SLC20A2: variants seen among roughly 807,000 people sequenced by gnomAD.
SLC20A2 encodes sodium-dependent phosphate transporter 2.
SLC20A2 carries 30 observed loss-of-function variants against 61.0 expected under a neutral mutation model. That is an observed-to-expected ratio of 0.49 (90% CI 0.37 to 0.67). The LOEUF (loss-of-function observed/expected upper bound fraction) is 0.67. Among genes scored for constraint, SLC20A2 ranks in the 30% least tolerant of loss-of-function variants. The pLI is 0.00. For synonymous variants in SLC20A2, 351 were observed against 353.3 expected (o/e 0.99, Z 0.07); for missense variants, 626 against 866.4 (o/e 0.72, Z 3.48).
At position 42,471,308 on chromosome 8, in the gene SLC20A2, C is replaced by T. The variant is rs1807620865; in HGVS notation, c.289+794G>A. ...GCAGTGATGGGAAGACCCACGGGGC[C>T]GAGATCTGTGTCCGCTTAGGCCATG... On this transcript the variant is annotated intron_variant, in intron 2 of 10. Transcript: ENST00000520262. The T allele has an allele frequency of 1.1e-5, 5 of 443,224 alleles. 1 individual carries two copies. The highest frequency in any genetic ancestry group is 6.5e-5 in the South Asian group (4 of 61,636). The allele number at this position is 443,224 out of a possible 1,614,324, so 27.5% of individuals were successfully genotyped here.
intron 2 of SLC20A2, among the ~76,000 whole-genome samples, chr8:42,470,060 A>G (rs1432434463): frequency 6.6e-6 from 1 of 152,144 alleles, no homozygotes; most frequent in Non-Finnish European, 1.5e-5. Context: ...TTAGATATCT[A>G]TCACAACTAA....
chr8:42,527,643 C>A (rs947278010), intron 1 of SLC20A2, among the ~76,000 whole-genome samples: 2 of 151,982 alleles, frequency 1.3e-5, no homozygotes, highest in African/African-American at 4.8e-5. Flanking sequence ...TGGCGCATGC[C>A]TGTAGTCCCA....
At chr8:42,492,374 G>A (rs1420345301) in intron 1 of SLC20A2, among the ~76,000 whole-genome samples, 3 of 152,280 alleles carry the variant, frequency 2.0e-5, no homozygotes, top group South Asian at 2.1e-4. Flanking sequence ...GAAAGAAAAC[G>A]AAGATCTGCC....
At chr8:42,481,597 ATCT>A (rs775307497) in intron 1 of SLC20A2, among the ~76,000 whole-genome samples, 40 of 152,134 alleles carry the variant, frequency 2.6e-4, no homozygotes, top group African/African-American at 8.9e-4. Flanking sequence ...ATCAGATGAC[ATCT>A]TCTGGTCCTG....
intron 5 of SLC20A2, among the ~76,000 whole-genome samples, chr8:42,452,129 G>A (rs898131218): frequency 6.9e-5 from 10 of 145,276 alleles, no homozygotes; most frequent in Admixed American, 1.4e-4. Context: ...GATGGAGGAG[G>A]AAGAGGAAGA....
intron 5 of SLC20A2, among the ~76,000 whole-genome samples, chr8:42,455,900 C>T (rs1366378271): frequency 6.6e-6 from 1 of 152,056 alleles, no homozygotes; most frequent in Non-Finnish European, 1.5e-5. Context: ...ATTTGTATTG[C>T]CAATTACCAA....
At chr8:42,524,584 G>A (rs879706126) in intron 1 of SLC20A2, among the ~76,000 whole-genome samples, 9 of 151,958 alleles carry the variant, frequency 5.9e-5, no homozygotes, top group South Asian at 2.1e-4. Context: ...TCAGGAGTTC[G>A]AGACCAGCCT....
rs889607103 is a variant in SLC20A2, at chr8:42,437,864, T to C, written c.935-287A>G. Among the ~76,000 whole-genome samples, 3 of 151,754 alleles carry C rather than the reference T, an allele frequency of 2.0e-5. No individual in the cohort carries two copies. The highest frequency in any genetic ancestry group is 1.9e-4 in the East Asian group (1 of 5,160). ...CTCCTAACCTCATGATCCGCCCACC[T>C]TGGCCTCCTAAAGTGCTCGGATTAC... On this transcript the variant is annotated intron_variant, in intron 7 of 10. Coordinates refer to ENST00000520262, the MANE Select transcript of SLC20A2 (RefSeq NM_001257180.2). This position sits in a 1 kb window ranked among gnomAD's most constrained non-coding sequence, Gnocchi z 6.4.
At chr8:42,429,877 G>A (rs940729648) in intron 9 of SLC20A2, among the ~76,000 whole-genome samples, 187 bp downstream of exon 9, 7 of 152,124 alleles carry the variant, frequency 4.6e-5, no homozygotes, top group East Asian at 1.9e-4. Context: ...GCTGGGGGCC[G>A]GGCACAGTAA....
chr8:42,537,332 C>T (rs1487440625), intron 1 of SLC20A2, among the ~76,000 whole-genome samples: 7 of 137,366 alleles, frequency 5.1e-5, no homozygotes, highest in Non-Finnish European at 1.1e-4. Flanking sequence ...GATCACACTA[C>T]TGTACTCTAA....
chr8:42,460,286 T>A (rs2131160252), intron 4 of SLC20A2: 1 of 252,408 alleles, frequency 4.0e-6, no homozygotes, highest in South Asian at 6.6e-5. Context: ...ACAGAAAAGA[T>A]CTGTTGGGTC....
At chr8:42,476,056 T>C (rs1808061216) in intron 1 of SLC20A2, among the ~76,000 whole-genome samples, 1 of 150,838 alleles carries the variant, frequency 6.6e-6, no homozygotes, top group African/African-American at 2.4e-5. Flanking sequence ...GCGCTTTTGA[T>C]TGGGTGAAGT....
At chr8:42,469,906 C>T (rs1807488290) in intron 2 of SLC20A2, among the ~76,000 whole-genome samples, 1 of 145,680 alleles carries the variant, frequency 6.9e-6, no homozygotes, top group East Asian at 2.0e-4. Context: ...CCAGCCTGGG[C>T]AACAAAGCGA....
chr8:42,533,590 C>T (rs149306208), intron 1 of SLC20A2, among the ~76,000 whole-genome samples: 1 of 150,100 alleles, frequency 6.7e-6, no homozygotes, highest in Non-Finnish European at 1.5e-5. Flanking sequence ...ATTGCGTCGT[C>T]ATCACACTCC....
intron 6 of SLC20A2, among the ~76,000 whole-genome samples, chr8:42,440,940 A>G (rs1039452216): frequency 5.9e-5 from 9 of 152,084 alleles, no homozygotes; most frequent in African/African-American, 2.2e-4. Flanking sequence ...AGCTGGGACT[A>G]CAGGTGCGTG....
chr8:42,456,436 T>C (rs756872078), intron 5 of SLC20A2, among the ~76,000 whole-genome samples: 2 of 152,032 alleles, frequency 1.3e-5, no homozygotes, highest in Non-Finnish European at 2.9e-5. Flanking sequence ...TAAAAGCCCA[T>C]ATAAAATAAG....
At chr8:42,479,512 AAGTAGTTATCTT>A (rs1241077979) in intron 1 of SLC20A2, among the ~76,000 whole-genome samples, 1 of 152,060 alleles carries the variant, frequency 6.6e-6, no homozygotes, top group Admixed American at 6.6e-5. Flanking sequence ...AAAAAAAAAA[AAGTAGTTATCTT>A]CTTATTGAAA....
At chr8:42,457,091 T>G (rs192438627) in intron 5 of SLC20A2, among the ~76,000 whole-genome samples, 1 of 151,930 alleles carries the variant, frequency 6.6e-6, no homozygotes, top group African/African-American at 2.4e-5. Context: ...GACCAGCTGA[T>G]TTTTGTATTT....
At chr8:42,441,538 G>T (rs545127558) in intron 6 of SLC20A2, among the ~76,000 whole-genome samples, 4 of 150,302 alleles carry the variant, frequency 2.7e-5, no homozygotes, top group African/African-American at 9.9e-5. Flanking sequence ...GCGCGATCTC[G>T]GATCACTGCA....
Sources: allele counts gnomAD v4.1 joint callset (sites outside exome capture counted in the v4.1 genomes callset), GRCh38; gene constraint gnomAD v4.1.1; non-coding constraint Gnocchi (gnomAD v3.1); transcripts MANE v1.5; gene names NCBI Gene and HGNC (gene_info 2026-07-23, HGNC 2026-07-21).